The following CAMTA1 variants were observed in gnomAD, a reference collection of about 807,000 sequenced individuals.
CAMTA1 encodes calmodulin binding transcription activator 1, also known as calmodulin-binding transcription activator 1.
A neutral mutation model predicts 170.9 loss-of-function variants in CAMTA1; 27 were observed. The ratio of observed to expected loss-of-function variants is 0.16; its 90% confidence interval spans 0.12 to 0.22. The LOEUF is 0.22. CAMTA1 is among the 10% of genes least tolerant of loss of function. The pLI is 1.00. For synonymous variants in CAMTA1, 833 were observed against 891.5 expected, an observed-to-expected ratio of 0.93 and a Z score of 1.17; for missense variants, 1,619 against 2,217.2, an observed-to-expected ratio of 0.73 and a Z score of 5.42.
rs903114580 is a variant in CAMTA1, at chr1:7,050,353, C to A, written c.235-40951C>A. 2.0e-5 allele frequency among the ~76,000 whole-genome samples: 3 copies of A among 152,188 alleles called. No individual in the cohort carries two copies. Among genetic ancestry groups the A allele is most frequent in the Non-Finnish European group, 2.9e-5 (2 of 68,026 alleles). Reference sequence around the variant, plus strand: ...CCCTGAGCTACTCCAGAGACGGCATCTGTCTGCTCCGGGGCCAGGGCGGAG... The same window carrying A: ...CCCTGAGCTACTCCAGAGACGGCATATGTCTGCTCCGGGGCCAGGGCGGAG... On this transcript the variant is annotated intron_variant, in intron 3 of 22. Transcript: ENST00000303635. This position sits in a 1 kb window ranked among gnomAD's most constrained non-coding sequence, Gnocchi z 4.8.
At position 7,090,812 on chromosome 1, in the gene CAMTA1, C is replaced by T. The variant is rs544995467; in HGVS notation, c.235-492C>T. ...TTTCCTCTCTGGAATATGGCTTTAT[C>T]GTGTCTTTTCTTTTTAATCTTTGTG... On this transcript the variant is annotated intron_variant, in intron 3 of 22. Transcript: ENST00000303635. Among the ~76,000 whole-genome samples the T allele has an allele frequency of 1.2e-4, 18 of 152,192 alleles. No homozygotes were observed. In the East Asian group the frequency reaches 2.5e-3, roughly 21 times the overall value.
At chr1:7,566,837 G>T (rs1475855496) in intron 6 of CAMTA1, among the ~76,000 whole-genome samples, 1 of 152,210 alleles carries the variant, frequency 6.6e-6, no homozygotes, top group Admixed American at 6.5e-5. Flanking sequence ...CCCCAGATTG[G>T]CACTAGGAGC....
intron 4 of CAMTA1, among the ~76,000 whole-genome samples, chr1:7,203,304 T>C (rs544194868): frequency 7.9e-5 from 12 of 152,288 alleles, no homozygotes; most frequent in Non-Finnish European, 1.5e-4. Flanking sequence ...TGGTGAATAA[T>C]TTTCTTATAA....
In CAMTA1 at chr1:7,426,259, C is replaced by T. The variant is rs576968769; in HGVS notation, c.439-41571C>T. ...CAGGGCCAGAGAGAGCTGCACGGTC[C>T]GAAGCTCAGAGCATCCTCACTAGCA... On this transcript the variant is annotated intron_variant, in intron 5 of 22. Coordinates refer to ENST00000303635, the MANE Select transcript of CAMTA1 (RefSeq NM_015215.4). The surrounding 1 kb of genome is among the most constrained non-coding windows in gnomAD (Gnocchi z 4.8). Among the ~76,000 whole-genome samples, 6 of 151,948 alleles carry T rather than the reference C, an allele frequency of 3.9e-5. No homozygotes were observed. The highest frequency in any genetic ancestry group is 1.9e-4 in the East Asian group (1 of 5,162).
In CAMTA1 at chr1:7,437,401, T is replaced by TC. The variant is rs545272537; in HGVS notation, c.439-30426dup. On this transcript the variant is annotated intron_variant, in intron 5 of 22. Coordinates refer to ENST00000303635, the MANE Select transcript of CAMTA1 (RefSeq NM_015215.4). ...TTGCCTTCTAATGCTTTGCTTGGTG[T>TC]CCCTGGGCTGGGAGAAGCCTCATCT... 2.0e-5 allele frequency among the ~76,000 whole-genome samples: 3 copies of TC among 152,258 alleles called. No individual in the cohort carries two copies. The South Asian group carries it at 6.2e-4, about 32-fold the overall frequency.
At chr1:7,022,391 T>C (rs1008401291) in intron 3 of CAMTA1, among the ~76,000 whole-genome samples, 1 of 152,100 alleles carries the variant, frequency 6.6e-6, no homozygotes, top group African/African-American at 2.4e-5. Context: ...GGGCCAGTGG[T>C]AGGGGCTAGC....
At chr1:7,476,393 G>A (rs149902304) in intron 6 of CAMTA1, among the ~76,000 whole-genome samples, 6 of 152,326 alleles carry the variant, frequency 3.9e-5, no homozygotes, top group Non-Finnish European at 7.3e-5. Flanking sequence ...GAATGGGCGG[G>A]GCGGTCAGGG....
chr1:6,825,255 A>C (rs906997230), intron 3 of CAMTA1, 45 bp downstream of exon 3: 1 of 1,031,380 alleles, frequency 9.7e-7, no homozygotes, highest in Non-Finnish European at 1.5e-6. Context: ...TTTAAGGGCA[A>C]ATTTTTTAGG....
chr1:6,903,810 T>A (rs1169897520), intron 3 of CAMTA1, among the ~76,000 whole-genome samples: 1 of 152,176 alleles, frequency 6.6e-6, no homozygotes, highest in Non-Finnish European at 1.5e-5. Context: ...TTGAGCTGGA[T>A]GGGTGGGAAG....
chr1:7,664,674 G>C lies in CAMTA1; in HGVS notation c.2127G>C (p.Glu709Asp). Reference protein sequence around the residue: ...EGSEVLLKSGELQACSSEHYL... With the variant: ...EGSEVLLKSGDLQACSSEHYL... Reference sequence around the variant, plus strand: ...GCGAGGTCCTGCTCAAGTCTGGGGAGCTGCAGGCTTGCAGCTCTGAGCACT... The same window carrying C: ...GCGAGGTCCTGCTCAAGTCTGGGGACCTGCAGGCTTGCAGCTCTGAGCACT... Residue 709 changes from glutamate to aspartate, a missense_variant, in exon 9 of 23, where the codon GAG becomes GAC. By Grantham distance (45) the Glu-to-Asp change is conservative. Coordinates refer to ENST00000303635, the MANE Select transcript of CAMTA1 (RefSeq NM_015215.4). 1 of 1,604,816 alleles carries C rather than the reference G, an allele frequency of 6.2e-7. No homozygotes were observed. The highest frequency in any genetic ancestry group is 2.2e-5 in the East Asian group (1 of 44,566).
chr1:7,583,140 C>T (rs996376697), intron 6 of CAMTA1, among the ~76,000 whole-genome samples: 5 of 151,928 alleles, frequency 3.3e-5, no homozygotes, highest in African/African-American at 7.3e-5. Context: ...GAGCAGGGGG[C>T]GTTAGCAGGG....
intron 3 of CAMTA1, among the ~76,000 whole-genome samples, chr1:6,843,026 C>T (rs182231978): frequency 6.6e-6 from 1 of 152,230 alleles, no homozygotes; most frequent in East Asian, 1.9e-4. Flanking sequence ...AAATGTAGAT[C>T]ATTTGAATCA....
intron 5 of CAMTA1, among the ~76,000 whole-genome samples, chr1:7,334,767 T>A (rs942058584): frequency 6.6e-5 from 10 of 152,166 alleles, no homozygotes; most frequent in African/African-American, 2.4e-4. Flanking sequence ...CCGGTCGCCT[T>A]TTCCTAGGCT....
intron 1 of CAMTA1, among the ~76,000 whole-genome samples, chr1:6,790,358 G>C (rs1303086936): frequency 2.3e-5 from 3 of 128,668 alleles, no homozygotes; most frequent in Admixed American, 2.2e-4. Flanking sequence ...TGCAGAGTGT[G>C]AGAGAGAGAG....
In CAMTA1 at chr1:7,665,798, T is replaced by G. The variant is rs1379134721; in HGVS notation, c.2652+599T>G. ...CCAGAGTCGTCTGCCGTTTCTCAAT[T>G]TATGTGTTGAGTCCATCTATGTTTT... On this transcript the variant is annotated intron_variant, in intron 9 of 22. Transcript: ENST00000303635. The surrounding 1 kb of genome is among the most constrained non-coding windows in gnomAD (Gnocchi z 4.3). Among the ~76,000 whole-genome samples the G allele has an allele frequency of 2.0e-5, 3 of 152,086 alleles. No homozygotes were observed. The highest frequency in any genetic ancestry group is 4.4e-5 in the Non-Finnish European group (3 of 68,020).
chr1:7,764,965 A>G lies in CAMTA1; in HGVS notation c.4990-1494A>G, dbSNP rs540315034. On this transcript the variant is annotated intron_variant, in intron 22 of 22. Coordinates refer to ENST00000303635, the MANE Select transcript of CAMTA1 (RefSeq NM_015215.4). ...ACAGAGTTAGACTCCGTCTCAAAAA[A>G]AAAAAAAAGTTTTACTTTACTGGTA... 3.9e-5 allele frequency among the ~76,000 whole-genome samples: 6 copies of G among 152,142 alleles called. No individual in the cohort carries two copies. In the East Asian group the frequency reaches 1.2e-3, roughly 29 times the overall value.
chr1:6,931,960 T>C (rs1684491330), intron 3 of CAMTA1, among the ~76,000 whole-genome samples: 1 of 152,258 alleles, frequency 6.6e-6, no homozygotes, highest in South Asian at 2.1e-4. Flanking sequence ...TTATAACACC[T>C]GTACGCACTG....
At chr1:7,247,376 G>A (rs1029610236) in intron 4 of CAMTA1, among the ~76,000 whole-genome samples, 8 of 152,214 alleles carry the variant, frequency 5.3e-5, no homozygotes, top group South Asian at 4.1e-4. Context: ...TACCACTTAC[G>A]ATGTGGGAAC....
chr1:6,876,378 T>TC (rs1669886042), intron 3 of CAMTA1, among the ~76,000 whole-genome samples: 1 of 151,602 alleles, frequency 6.6e-6, no homozygotes, highest in African/African-American at 2.4e-5. Context: ...TTTTTTTTTT[T>TC]GAGACGGAGT....
Sources: gnomAD v4.1 joint callset for allele counts (sites outside exome capture counted in the v4.1 genomes callset) on GRCh38, gnomAD v4.1.1 for gene constraint, Gnocchi (gnomAD v3.1) non-coding constraint, MANE v1.5 for transcripts, NCBI Gene and HGNC (gene_info 2026-07-23, HGNC 2026-07-21) for gene names.